The following TWIST2 variants were observed in gnomAD, a reference collection of about 807,000 sequenced individuals.
TWIST2 encodes twist-related protein 2.
A neutral mutation model predicts 11.6 loss-of-function variants in TWIST2; 1 was observed. The ratio of observed to expected loss-of-function variants is 0.09; its 90% CI spans 0.03 to 0.41. TWIST2 has a LOEUF of 0.41. Ranked by LOEUF, TWIST2 falls within the 10% of genes least tolerant of loss-of-function variation. TWIST2 has a pLI of 0.98. For synonymous variants in TWIST2, 87 were observed against 96.6 expected (o/e 0.90, Z 0.58); for missense variants, 168 against 226.4 (o/e 0.74, Z 1.66).
intron 1 of TWIST2, among the ~76,000 whole-genome samples, chr2:238,902,707 GGT>G (rs1320389106): frequency 5.1e-5 from 7 of 138,440 alleles, no homozygotes; most frequent in Non-Finnish European, 7.8e-5. Flanking sequence ...TGATGTGTGA[GGT>G]GTGTGTGATG....
At chr2:238,904,988 AGAAG>A (rs1470006610) in intron 1 of TWIST2, among the ~76,000 whole-genome samples, 1 of 150,980 alleles carries the variant, frequency 6.6e-6, no homozygotes, top group Non-Finnish European at 1.5e-5. Context: ...AAAGAAAAAA[AGAAG>A]AAAGAAAGAA....
At position 238,848,244 on chromosome 2, in the gene TWIST2, C is replaced by T. The variant is rs1275864437; in HGVS notation, c.29C>T (p.Ser10Phe). The T allele has an allele frequency of 1.3e-6, 2 of 1,495,508 alleles. No individual in the cohort carries two copies. Among genetic ancestry groups the T allele is most frequent in the South Asian group, 1.2e-5 (1 of 80,388 alleles). The allele number at this position is 1,495,508 out of a possible 1,614,324, so 92.6% of individuals were successfully genotyped here. The change falls in exon 1 of 2, where the codon TCC becomes TTC. Residue 10 changes from serine (S) to phenylalanine (F), a missense_variant. Physicochemically the swap from Ser to Phe is radical, Grantham distance 155 (BLOSUM62 -2). Transcript: ENST00000612363. MEEGSSSPV[S>F]PVDSLGTSEE... ...GAGGAGGGCTCCAGCTCGCCCGTGT[C>T]CCCCGTGGACAGCCTGGGCACCAGC...
chr2:238,855,417 T>C (rs894984594), intron 1 of TWIST2, among the ~76,000 whole-genome samples: 2 of 152,198 alleles, frequency 1.3e-5, no homozygotes, highest in South Asian at 4.1e-4. Context: ...CCAAATTGCA[T>C]ACTACATATA....
chr2:238,891,436 C>T (rs1290703517), intron 1 of TWIST2, among the ~76,000 whole-genome samples: 2 of 152,212 alleles, frequency 1.3e-5, no homozygotes, highest in Non-Finnish European at 2.9e-5. Flanking sequence ...ATGGCCTATT[C>T]CTTGTTCTGG....
chr2:238,857,080 TG>T (rs1333920827), intron 1 of TWIST2, among the ~76,000 whole-genome samples: 9 of 152,118 alleles, frequency 5.9e-5, no homozygotes, highest in African/African-American at 1.9e-4. Context: ...CTGCTGTGCC[TG>T]GGGTCAAGGA....
At chr2:238,893,885 C>T (rs948180184) in intron 1 of TWIST2, among the ~76,000 whole-genome samples, 5 of 152,176 alleles carry the variant, frequency 3.3e-5, no homozygotes, top group African/African-American at 1.2e-4. Context: ...TTACGACGCG[C>T]CGTCCTCCTG....
chr2:238,880,478 TAGTGTC>T (rs1402500370), intron 1 of TWIST2, among the ~76,000 whole-genome samples: 1 of 106,808 alleles, frequency 9.4e-6, no homozygotes, highest in Non-Finnish European at 1.9e-5. Context: ...TACTATTTAT[TAGTGTC>T]AGTGTTAGTG....
chr2:238,898,604 G>A (rs1159551650), intron 1 of TWIST2, among the ~76,000 whole-genome samples: 1 of 152,250 alleles, frequency 6.6e-6, no homozygotes, highest in Non-Finnish European at 1.5e-5. Context: ...AGAGCTCCTT[G>A]GGTGCAGCTG....
At chr2:238,874,998 G>A (rs1363518498) in intron 1 of TWIST2, among the ~76,000 whole-genome samples, 2 of 152,188 alleles carry the variant, frequency 1.3e-5, no homozygotes, top group Admixed American at 6.5e-5. Flanking sequence ...AAACAATGAA[G>A]TTGACCAAGG....
rs546428846 is a variant in TWIST2 at position 238,876,970 on chromosome 2, G to A, written c.*35+28237G>A. Among the ~76,000 whole-genome samples, 19 of 152,232 alleles carry A rather than the reference G, an allele frequency of 1.2e-4. No individual in the cohort carries two copies. In the South Asian group the frequency reaches 2.9e-3, roughly 23 times the overall value. ...AAAGAGATTCTTCCTTACCTTCAGC[G>A]GATCACCTGAGGTCAGGAGTTTGAG... is the stretch of plus-strand genomic sequence containing the variant. On this transcript the variant is annotated intron_variant, in intron 1 of 1. Transcript: ENST00000612363.
chr2:238,899,148 G>A (rs1256538765), intron 1 of TWIST2, among the ~76,000 whole-genome samples: 1 of 152,256 alleles, frequency 6.6e-6, no homozygotes, highest in African/African-American at 2.4e-5. Context: ...CCATGTGACC[G>A]CTGGCCACGG....
chr2:238,852,255 T>C (rs767208252), intron 1 of TWIST2, among the ~76,000 whole-genome samples: 1 of 152,238 alleles, frequency 6.6e-6, no homozygotes, highest in Non-Finnish European at 1.5e-5. Context: ...ATAAGCCAAT[T>C]TTAAAGGCTG....
In TWIST2 at chr2:238,890,135, C is replaced by T. The variant is rs539954390; in HGVS notation, c.*36-19707C>T. 1.3e-4 allele frequency among the ~76,000 whole-genome samples: 20 copies of T among 152,162 alleles called. 1 individual carries two copies. Among genetic ancestry groups the T allele is most frequent in the South Asian group, 6.2e-4 (3 of 4,826 alleles). On this transcript the variant is annotated intron_variant, in intron 1 of 1. Transcript: ENST00000612363. The stretch of plus-strand genomic sequence containing the variant: ...GGTTCACCTGGGGCAGTGGAGCATC[C>T]GGAGCAAAGGCCTGCATTGGCCTCT...
At chr2:238,883,324 A>G (rs1005642304) in intron 1 of TWIST2, among the ~76,000 whole-genome samples, 3 of 152,218 alleles carry the variant, frequency 2.0e-5, no homozygotes, top group East Asian at 1.9e-4. Flanking sequence ...CCAGGGCCCC[A>G]CAGGGCTGCA....
intron 1 of TWIST2, among the ~76,000 whole-genome samples, chr2:238,903,588 T>G (rs1443477196): frequency 4.7e-5 from 6 of 126,414 alleles, no homozygotes; most frequent in African/African-American, 1.9e-4. Flanking sequence ...GAAGTATGTT[T>G]GAGGTAGTGT....
intron 1 of TWIST2, among the ~76,000 whole-genome samples, chr2:238,852,277 C>T (rs1056242580): frequency 2.6e-5 from 4 of 152,112 alleles, no homozygotes; most frequent in South Asian, 2.1e-4. Flanking sequence ...ACTTTTATGA[C>T]GGTTTTTAAG....
intron 1 of TWIST2, among the ~76,000 whole-genome samples, chr2:238,853,558 A>T (rs932644459): frequency 6.6e-6 from 1 of 152,112 alleles, no homozygotes; most frequent in African/African-American, 2.4e-5. Context: ...TTTGTTTGGT[A>T]GTAACCCTTT....
Position 238,905,966 on chromosome 2 carries a change from T to C in TWIST2, c.*36-3876T>C, listed in dbSNP as rs1224944791. The stretch of plus-strand genomic sequence containing the variant: ...GTGCGCGCGCGTGTGTACGTGTGCG[T>C]GTGTGTGCGCGCGCGTGTACGTGCG... On this transcript the variant is annotated intron_variant, in intron 1 of 1. Coordinates refer to ENST00000612363, the MANE Select transcript of TWIST2 (RefSeq NM_001271893.4). Among the ~76,000 whole-genome samples, 251 of 124,258 alleles carry C rather than the reference T, an allele frequency of 2.0e-3. 2 individuals carry two copies. Among genetic ancestry groups the C allele is most frequent in the African/African-American group, 8.2e-3 (234 of 28,688 alleles). 81.5% of individuals were successfully genotyped at this position (124,258 alleles called of 152,430 possible). A position where few individuals can be genotyped will look rare whatever the true frequency, so the allele number is the denominator to read the frequency against.
intron 1 of TWIST2, among the ~76,000 whole-genome samples, chr2:238,899,707 G>A (rs1376262265): frequency 6.6e-6 from 1 of 152,170 alleles, no homozygotes; most frequent in Non-Finnish European, 1.5e-5. Flanking sequence ...ACCCTTCTTG[G>A]TCATCTGGAA....
Sources: gnomAD v4.1 joint callset for allele counts (sites outside exome capture counted in the v4.1 genomes callset) on GRCh38, gnomAD v4.1.1 for gene constraint, MANE v1.5 for transcripts, NCBI Gene and HGNC (gene_info 2026-07-23, HGNC 2026-07-21) for gene names.